The following CPQ variants were observed in gnomAD, a reference collection of about 807,000 sequenced individuals.
The protein encoded by CPQ is Ser-Met dipeptidase.
CPQ carries 37 observed loss-of-function variants against 45.7 expected under a neutral mutation model. The ratio of observed to expected loss-of-function variants is 0.81; its 90% CI spans 0.62 to 1.07. The LOEUF (loss-of-function observed/expected upper bound fraction) is 1.07, where lower values mean the gene tolerates loss of function less well. Ranked by LOEUF, CPQ falls within the 50% of genes least tolerant of loss-of-function variation. The pLI, the probability that CPQ is intolerant of heterozygous loss-of-function variation, is 0.00. For missense variants in CPQ, 537 were observed against 572.9 expected (o/e 0.94, Z 0.64); for synonymous variants, 186 against 205.8 (o/e 0.90, Z 0.82).
At chr8:97,087,403 C>CT (rs1053403380) in intron 7 of CPQ, among the ~76,000 whole-genome samples, 6 of 147,804 alleles carry the variant, frequency 4.1e-5, no homozygotes, top group Middle Eastern at 3.5e-3. Flanking sequence ...CAGGTGCCGA[C>CT]TTGGGGGGTC....
At chr8:96,721,908 T>C (rs1216016010) in intron 1 of CPQ, among the ~76,000 whole-genome samples, 2 of 152,220 alleles carry the variant, frequency 1.3e-5, no homozygotes, top group Non-Finnish European at 2.9e-5. Context: ...ATTCCTACTC[T>C]GTCTCCCCAC....
chr8:97,080,410 A>G (rs2130550229), intron 7 of CPQ, among the ~76,000 whole-genome samples: 1 of 152,336 alleles, frequency 6.6e-6, no homozygotes, highest in African/African-American at 2.4e-5. Flanking sequence ...ATGCTTATCA[A>G]TTTAATCAAT....
At chr8:96,915,518 C>G (rs1417144388) in intron 4 of CPQ, among the ~76,000 whole-genome samples, 1 of 152,132 alleles carries the variant, frequency 6.6e-6, no homozygotes, top group African/African-American at 2.4e-5. Flanking sequence ...AGCTACATCT[C>G]TTTATTGATG....
intron 5 of CPQ, among the ~76,000 whole-genome samples, chr8:96,986,660 G>T (rs1191646526): frequency 6.6e-6 from 1 of 152,192 alleles, no homozygotes; most frequent in Admixed American, 6.5e-5. Flanking sequence ...TGGGGAAACA[G>T]TGGGAGGGTG....
chr8:96,964,173 TAC>T (rs71267285), intron 4 of CPQ, among the ~76,000 whole-genome samples: 20,269 of 133,116 alleles, frequency 0.15, 1,513 homozygotes, highest in Non-Finnish European at 0.18. Flanking sequence ...GGTTAAAGTA[TAC>T]ACACACACAC....
At chr8:96,838,550 T>C (rs1205489726) in intron 3 of CPQ, among the ~76,000 whole-genome samples, 1 of 152,132 alleles carries the variant, frequency 6.6e-6, no homozygotes, top group East Asian at 1.9e-4. Context: ...ATTTGGCCTA[T>C]CTTTATGTCC....
chr8:96,821,126 ATTTTTTTTTTTTTT>A (rs572906188), intron 2 of CPQ, among the ~76,000 whole-genome samples: 2 of 60,940 alleles, frequency 3.3e-5, no homozygotes, highest in South Asian at 6.5e-4. Context: ...TTTAATCTGA[ATTTTTTTTTTTTTT>A]TTTTTTTTTT....
At chr8:96,988,131 T>C (rs1809023460) in intron 5 of CPQ, among the ~76,000 whole-genome samples, 1 of 152,230 alleles carries the variant, frequency 6.6e-6, no homozygotes, top group South Asian at 2.1e-4. Flanking sequence ...GGGGTAGTTT[T>C]CTTATGTTTA....
intron 1 of CPQ, among the ~76,000 whole-genome samples, chr8:96,748,142 C>T (rs548163403): frequency 6.6e-6 from 1 of 152,292 alleles, no homozygotes; most frequent in East Asian, 1.9e-4. Flanking sequence ...TTGTGCATTA[C>T]TACAGTAATC....
At chr8:96,811,303 C>T (rs1811158736) in intron 2 of CPQ, among the ~76,000 whole-genome samples, 1 of 151,900 alleles carries the variant, frequency 6.6e-6, no homozygotes, top group Non-Finnish European at 1.5e-5. Flanking sequence ...GAGTCTATAC[C>T]TTATTTGTAG....
intron 5 of CPQ, among the ~76,000 whole-genome samples, chr8:97,005,626 C>T (rs1029175362): frequency 4.6e-5 from 7 of 152,028 alleles, no homozygotes; most frequent in African/African-American, 7.2e-5. Context: ...CATTTAAGAG[C>T]GTGAAAGGTG....
At chr8:96,917,431 A>C (rs1812748126) in intron 4 of CPQ, among the ~76,000 whole-genome samples, 1 of 151,748 alleles carries the variant, frequency 6.6e-6, no homozygotes, top group African/African-American at 2.4e-5. Flanking sequence ...GCATACTCCC[A>C]TTGTTGTGGG....
At chr8:97,119,267 T>TA in intron 7 of CPQ, among the ~76,000 whole-genome samples, 1 of 140,628 alleles carries the variant, frequency 7.1e-6, no homozygotes, top group Non-Finnish European at 1.5e-5. Context: ...AGGCAGAAGT[T>TA]ACAGTGAGCT....
chr8:96,986,860 G>T (rs1808992380), intron 5 of CPQ, among the ~76,000 whole-genome samples: 1 of 152,146 alleles, frequency 6.6e-6, no homozygotes, highest in Admixed American at 6.5e-5. Context: ...TCCATAGGGA[G>T]AAAAAGGCAT....
At chr8:96,837,048 C>T (rs1811540171) in intron 3 of CPQ, among the ~76,000 whole-genome samples, 1 of 152,142 alleles carries the variant, frequency 6.6e-6, no homozygotes, top group Admixed American at 6.5e-5. Flanking sequence ...TCCCATGTTA[C>T]TTTATTTGCT....
At chr8:97,069,729 TTTTC>T (rs1810704970) in intron 7 of CPQ, among the ~76,000 whole-genome samples, 2 of 152,224 alleles carry the variant, frequency 1.3e-5, no homozygotes, top group Admixed American at 1.3e-4. Flanking sequence ...CTCCATCCTT[TTTTC>T]TTTCTTTTTT....
chr8:96,738,823 G>A (rs1374512832), intron 1 of CPQ, among the ~76,000 whole-genome samples: 4 of 152,098 alleles, frequency 2.6e-5, no homozygotes, highest in Admixed American at 1.3e-4. Flanking sequence ...GTATTCCATG[G>A]TGTATATGTG....
rs980869797 is a variant in CPQ at position 97,048,234 on chromosome 8, C to G, written c.1054-17775C>G. On this transcript the variant is annotated intron_variant, in intron 6 of 7. Transcript: ENST00000220763. ...GATACAATTTAGAAGATTGGAGGAGCAATTATAAAAGAAAGTAATACAATT... is the reference window on the plus strand; with the variant it reads ...GATACAATTTAGAAGATTGGAGGAGGAATTATAAAAGAAAGTAATACAATT... 6.6e-5 allele frequency among the ~76,000 whole-genome samples: 10 copies of G among 152,102 alleles called. No individual in the cohort carries two copies. The East Asian group carries it at 1.7e-3, about 26-fold the overall frequency.
chr8:96,963,438 G>A (rs1563540144), intron 4 of CPQ, among the ~76,000 whole-genome samples: 1 of 152,142 alleles, frequency 6.6e-6, no homozygotes, highest in Non-Finnish European at 1.5e-5. Flanking sequence ...GGGGGATTGT[G>A]CTTGTTTGTA....
Sources: allele counts gnomAD v4.1 joint callset (sites outside exome capture counted in the v4.1 genomes callset), GRCh38; gene constraint gnomAD v4.1.1; transcripts MANE v1.5; gene names NCBI Gene and HGNC (gene_info 2026-07-23, HGNC 2026-07-21).